CFHR5: variants seen among roughly 807,000 people sequenced by gnomAD.
CFHR5 encodes complement factor H related 5.
Under a neutral mutation model 62.9 loss-of-function variants are expected in CFHR5, and 73 were observed. The ratio of observed to expected loss-of-function variants is 1.16; its 90% CI spans 0.96 to 1.41. The LOEUF (loss-of-function observed/expected upper bound fraction) is 1.41. Ranked by LOEUF, CFHR5 falls within the 40% of genes most tolerant of loss-of-function variation. CFHR5 has a pLI of 0.00. For synonymous variants in CFHR5, 249 were observed against 227.2 expected (o/e 1.10, Z -0.86); for missense variants, 779 against 679.9 (o/e 1.15, Z -1.62).
intron 7 of CFHR5, among the ~76,000 whole-genome samples, chr1:196,999,707 A>G (rs1331758533): frequency 9.6e-5 from 5 of 52,186 alleles, no homozygotes; most frequent in African/African-American, 2.3e-4. Flanking sequence ...ATATATATAT[A>G]TATATATATA....
In CFHR5 at chr1:197,008,687, A is replaced by G. The variant is rs1654359207; in HGVS notation, c.*4A>G. On this transcript the variant is annotated 3_prime_UTR_variant, in exon 10 of 10. Transcript: ENST00000256785. ...TGAATATCCTATATGTGAATGAAGC[A>G]AGCATAATTTTCCTGAATATATTCT... 1.2e-6 allele frequency: 2 copies of G among 1,608,780 alleles called. No individual in the cohort carries two copies. The highest frequency in any genetic ancestry group is 2.2e-5 in the South Asian group (2 of 90,972).
At chr1:196,996,695 T>C (rs1653999056) in intron 6 of CFHR5, among the ~76,000 whole-genome samples, 1 of 152,008 alleles carries the variant, frequency 6.6e-6, no homozygotes, top group Non-Finnish European at 1.5e-5. Context: ...GTAGCTTGAG[T>C]TCTATTAAAT....
chr1:197,008,023 C>A (rs1654337988), intron 9 of CFHR5, among the ~76,000 whole-genome samples: 1 of 147,420 alleles, frequency 6.8e-6, no homozygotes. Flanking sequence ...ATATAAAGTG[C>A]TGATTTTAAG....
chr1:196,975,741 A>T (rs1206512253), upstream of CFHR5, among the ~76,000 whole-genome samples: 1 of 152,212 alleles, frequency 6.6e-6, no homozygotes, highest in Non-Finnish European at 1.5e-5. Flanking sequence ...GTGTTCATTA[A>T]TTTAAAGCAA....
At chr1:196,992,386 G>A (rs376711830) in intron 3 of CFHR5, among the ~76,000 whole-genome samples, 8 of 151,674 alleles carry the variant, frequency 5.3e-5, no homozygotes, top group East Asian at 3.9e-4. Context: ...CTGGAAAAGT[G>A]CAGTATTTGT....
Position 197,008,784 on chromosome 1 carries a change from G to T in CFHR5, c.*101G>T. On this transcript the variant is annotated 3_prime_UTR_variant, in exon 10 of 10. Transcript: ENST00000256785. Reference sequence around the variant, plus strand: ...GTAGTTACTTCTTTTATTCTTTCAGGTGTTGTTTAACTCAGTTTTATTTAG... The same window carrying T: ...GTAGTTACTTCTTTTATTCTTTCAGTTGTTGTTTAACTCAGTTTTATTTAG... 3 of 991,242 alleles carry T rather than the reference G, an allele frequency of 3.0e-6. No individual in the cohort carries two copies. Among genetic ancestry groups the T allele is most frequent in the Non-Finnish European group, 4.7e-6 (3 of 632,164 alleles). The allele number at this position is 991,242 out of a possible 1,614,324, so 61.4% of individuals were successfully genotyped here. A position where few individuals can be genotyped will look rare whatever the true frequency, so the allele number is the denominator to read the frequency against.
chr1:196,975,363 T>C (rs1346440430), upstream of CFHR5, among the ~76,000 whole-genome samples: 3 of 152,368 alleles, frequency 2.0e-5, no homozygotes, highest in African/African-American at 7.2e-5. Context: ...GAGCTTTTGT[T>C]GTTGCTCTTC....
At chr1:196,998,361 T>C (rs1654048344) in intron 7 of CFHR5, 57 bp downstream of exon 7, 1 of 1,361,142 alleles carries the variant, frequency 7.3e-7, no homozygotes, top group Non-Finnish European at 1.0e-6. Flanking sequence ...AGAAAAATTA[T>C]TTTGAAATTA....
At chr1:196,986,924 G>C (rs1405475723) in intron 3 of CFHR5, among the ~76,000 whole-genome samples, 1 of 152,110 alleles carries the variant, frequency 6.6e-6, no homozygotes, top group East Asian at 1.9e-4. Context: ...TCTGGTTCTA[G>C]ATCCTTGAGG....
In CFHR5 at chr1:197,002,481, G is replaced by GA. The variant is rs746674215; in HGVS notation, c.1153dup (p.Arg385LysfsTer13). The GA allele has an allele frequency of 1.5e-5, 24 of 1,610,060 alleles. No individual in the cohort carries two copies. The South Asian group carries it at 2.0e-4, about 13-fold the overall frequency. ...TATAATTTAATTCCAATATTTTGTA[G>GA]AAAAAAGGGAACAATTCTGCCCACC... On this transcript the variant is annotated frameshift_variant and splice_region_variant. Coordinates refer to ENST00000256785, the MANE Select transcript of CFHR5 (RefSeq NM_030787.4). LOFTEE classifies it high-confidence loss of function.
chr1:196,979,394 G>T (rs1653478444), intron 1 of CFHR5, among the ~76,000 whole-genome samples: 1 of 151,842 alleles, frequency 6.6e-6, no homozygotes, highest in Admixed American at 6.6e-5. Context: ...AACCTAGATT[G>T]TATAGCCTAC....
intron 1 of CFHR5, among the ~76,000 whole-genome samples, chr1:196,978,940 T>A (rs1653466535): frequency 6.6e-6 from 1 of 152,150 alleles, no homozygotes; most frequent in South Asian, 2.1e-4. Flanking sequence ...TAAACTTTAG[T>A]GAAATTCTAT....
chr1:196,998,483 G>A (rs552535913), intron 7 of CFHR5, among the ~76,000 whole-genome samples, 179 bp downstream of exon 7: 200 of 152,016 alleles, frequency 1.3e-3, no homozygotes, highest in Non-Finnish European at 2.3e-3. Context: ...AAAAGCCTTG[G>A]CTTTCTGGTA....
chr1:196,997,692 A>G (rs1473335600), intron 6 of CFHR5, among the ~76,000 whole-genome samples: 1 of 152,162 alleles, frequency 6.6e-6, no homozygotes, highest in African/African-American at 2.4e-5. Context: ...AGGGGGACCC[A>G]GATCTATCTC....
chr1:197,009,114 A>G lies in CFHR5; in HGVS notation c.*431A>G, dbSNP rs975991539. On this transcript the variant is annotated 3_prime_UTR_variant, in exon 10 of 10. Coordinates refer to ENST00000256785, the MANE Select transcript of CFHR5 (RefSeq NM_030787.4). ...GAGAGAAAAAGAGAGAGAGAGACAG[A>G]GTGGCGGGGGCGGGGAGGAGCGCAA... 4.8e-5 allele frequency: 7 copies of G among 146,216 alleles called. No homozygotes were observed. The highest frequency in any genetic ancestry group is 2.2e-4 in the Admixed American group (3 of 13,928). 9.1% of individuals were successfully genotyped at this position (146,216 alleles called of 1,614,324 possible). A position where few individuals can be genotyped will look rare whatever the true frequency, so the allele number is the denominator to read the frequency against.
At chr1:196,999,742 T>TATAC (rs1553315426) in intron 7 of CFHR5, among the ~76,000 whole-genome samples, 4 of 122,780 alleles carry the variant, frequency 3.3e-5, no homozygotes, top group African/African-American at 5.9e-5. Flanking sequence ...CACATATATA[T>TATAC]ACACACACAT....
At chr1:196,992,282 T>C (rs555679147) in intron 3 of CFHR5, among the ~76,000 whole-genome samples, 35 of 152,210 alleles carry the variant, frequency 2.3e-4, no homozygotes, top group South Asian at 1.5e-3. Flanking sequence ...TGTGTGTGAG[T>C]GTCCCGATTT....
chr1:196,993,347 T>A (rs1653897551), intron 3 of CFHR5, among the ~76,000 whole-genome samples: 1 of 152,072 alleles, frequency 6.6e-6, no homozygotes, highest in Non-Finnish European at 1.5e-5. Flanking sequence ...CAGGCTGGAG[T>A]GTAGTGGTGC....
At chr1:196,978,450 T>C (rs1006322427) in intron 1 of CFHR5, among the ~76,000 whole-genome samples, 5 of 152,118 alleles carry the variant, frequency 3.3e-5, no homozygotes, top group Non-Finnish European at 5.9e-5. Context: ...GATTAAACTA[T>C]GTGTGTACGT....
Sources: allele counts gnomAD v4.1 joint callset (sites outside exome capture counted in the v4.1 genomes callset), GRCh38; gene constraint gnomAD v4.1.1; transcripts MANE v1.5; gene names NCBI Gene and HGNC (gene_info 2026-07-23, HGNC 2026-07-21).